The following PTPN4 variants were observed in gnomAD, a reference collection of about 807,000 sequenced individuals.
PTPN4 encodes the protein tyrosine-protein phosphatase non-receptor type 4.
Under a neutral mutation model 135.5 loss-of-function variants are expected in PTPN4, and 49 were observed. That is an observed-to-expected ratio of 0.36 (90% CI 0.29 to 0.46). The LOEUF (loss-of-function observed/expected upper bound fraction) is 0.46. PTPN4 is among the 20% of genes least tolerant of loss of function. The pLI is 1.00. For missense variants in PTPN4, 860 were observed against 1,101.0 expected (o/e 0.78, Z 3.10); for synonymous variants, 333 against 369.9 (o/e 0.90, Z 1.14).
chr2:119,907,119 C>T (rs1486418414), intron 10 of PTPN4, among the ~76,000 whole-genome samples: 2 of 152,064 alleles, frequency 1.3e-5, no homozygotes, highest in Non-Finnish European at 2.9e-5. Flanking sequence ...ACAACAAAAA[C>T]TACAAAACAC....
At chr2:119,779,212 A>G (rs1386421870) in intron 1 of PTPN4, among the ~76,000 whole-genome samples, 1 of 152,220 alleles carries the variant, frequency 6.6e-6, no homozygotes. Flanking sequence ...TTAGTCCATT[A>G]TCTTATACTA....
At chr2:119,879,271 T>A (rs765081158) in intron 5 of PTPN4, among the ~76,000 whole-genome samples, 1 of 152,190 alleles carries the variant, frequency 6.6e-6, no homozygotes, top group East Asian at 1.9e-4. Flanking sequence ...ATAGCCTGCA[T>A]TGAAAACATA....
At chr2:119,878,724 T>G (rs1678021687) in intron 5 of PTPN4, among the ~76,000 whole-genome samples, 1 of 142,172 alleles carries the variant, frequency 7.0e-6, no homozygotes, top group Admixed American at 7.2e-5. Context: ...ATGGGAGAAC[T>G]CAGTAATGTA....
chr2:119,937,346 A>G (rs1459715142), intron 15 of PTPN4, among the ~76,000 whole-genome samples: 2 of 152,196 alleles, frequency 1.3e-5, no homozygotes, highest in East Asian at 3.8e-4. Context: ...TTTTTCACAT[A>G]TACCTTTTTT....
At chr2:119,966,031 G>T (rs546174716) in intron 25 of PTPN4, among the ~76,000 whole-genome samples, 3 of 152,262 alleles carry the variant, frequency 2.0e-5, no homozygotes, top group African/African-American at 7.2e-5. Context: ...TATACTTCTG[G>T]ATGCTGGGAA....
chr2:119,920,719 G>A lies in PTPN4; in HGVS notation c.1001+478G>A, dbSNP rs1007245113. 7.9e-5 allele frequency among the ~76,000 whole-genome samples: 12 copies of A among 152,286 alleles called. No individual in the cohort carries two copies. In the South Asian group the frequency reaches 2.3e-3, roughly 29 times the overall value. On this transcript the variant is annotated intron_variant, in intron 12 of 26. Coordinates refer to ENST00000263708, the MANE Select transcript of PTPN4 (RefSeq NM_002830.4). ...CAAAATCAGATTTAGTCATTGAACA[G>A]TAACCCCAGGTTCCATTTCCTAAAA...
chr2:119,938,073 C>T (rs375196159), intron 15 of PTPN4, among the ~76,000 whole-genome samples: 1 of 150,116 alleles, frequency 6.7e-6, no homozygotes, highest in South Asian at 2.1e-4. Flanking sequence ...TTTCCTTTCT[C>T]TTAACAACCG....
At chr2:119,906,622 A>G (rs1043006855) in intron 10 of PTPN4, among the ~76,000 whole-genome samples, 3 of 151,262 alleles carry the variant, frequency 2.0e-5, no homozygotes, top group Non-Finnish European at 2.9e-5. Context: ...ACATCCCTTC[A>G]TGATAAAAAC....
At chr2:119,910,960 A>G (rs1187048454) in intron 10 of PTPN4, among the ~76,000 whole-genome samples, 2 of 152,176 alleles carry the variant, frequency 1.3e-5, no homozygotes, top group African/African-American at 4.8e-5. Flanking sequence ...TCCTTGAAAG[A>G]CACAAATTAA....
At chr2:119,866,792 A>G (rs1225356134) in intron 3 of PTPN4, among the ~76,000 whole-genome samples, 1 of 152,140 alleles carries the variant, frequency 6.6e-6, no homozygotes, top group Admixed American at 6.5e-5. Flanking sequence ...GTTTGAATAC[A>G]TGGTTGCTAA....
At chr2:119,957,337 T>C (rs1032514056) in intron 22 of PTPN4, among the ~76,000 whole-genome samples, 8 of 152,184 alleles carry the variant, frequency 5.3e-5, no homozygotes, top group Non-Finnish European at 1.0e-4. Flanking sequence ...TTTTAGATCA[T>C]TGGAGATAGA....
chr2:119,957,806 T>C (rs917453865), intron 22 of PTPN4, among the ~76,000 whole-genome samples: 2 of 152,164 alleles, frequency 1.3e-5, no homozygotes, highest in African/African-American at 4.8e-5. Flanking sequence ...GATCTTTATA[T>C]CATATCGTTC....
chr2:119,773,113 TATTA>T (rs1690763256), intron 1 of PTPN4, among the ~76,000 whole-genome samples: 1 of 152,228 alleles, frequency 6.6e-6, no homozygotes, highest in Non-Finnish European at 1.5e-5. Flanking sequence ...TTTTCATGTT[TATTA>T]ATTTCATTTC....
chr2:119,853,039 G>A (rs1426074150), intron 2 of PTPN4, among the ~76,000 whole-genome samples: 2 of 151,954 alleles, frequency 1.3e-5, no homozygotes, highest in Non-Finnish European at 1.5e-5. Flanking sequence ...TTATGACCCA[G>A]GATATAGCCT....
intron 23 of PTPN4, among the ~76,000 whole-genome samples, chr2:119,961,639 A>G (rs939506664): frequency 3.9e-5 from 6 of 152,348 alleles, no homozygotes; most frequent in African/African-American, 1.4e-4. Context: ...AATGGCCAAA[A>G]TGTAGAAACA....
intron 2 of PTPN4, among the ~76,000 whole-genome samples, chr2:119,842,647 GTTTT>G (rs1300686021): frequency 6.6e-6 from 1 of 151,994 alleles, no homozygotes; most frequent in Non-Finnish European, 1.5e-5. Context: ...GTTTTGTTTC[GTTTT>G]TTTCTTTTTC....
In PTPN4 at chr2:119,915,161, T is replaced by A. The variant is rs201204423; in HGVS notation, c.765-18T>A. 101 of 1,503,792 alleles carry A rather than the reference T, an allele frequency of 6.7e-5. No homozygotes were observed. Among genetic ancestry groups the A allele is most frequent in the Non-Finnish European group, 8.9e-5 (100 of 1,120,384 alleles). The allele number at this position is 1,503,792 out of a possible 1,614,324, so 93.2% of individuals were successfully genotyped here. A position where few individuals can be genotyped will look rare whatever the true frequency, so the allele number is the denominator to read the frequency against. ...ATCATTATTCAATACTTTGAATAAT[T>A]TATTGTCTTTTGTCCAGGTTGAAGA... On this transcript the variant is annotated intron_variant, in intron 10 of 26. Coordinates refer to ENST00000263708, the MANE Select transcript of PTPN4 (RefSeq NM_002830.4).
intron 2 of PTPN4, among the ~76,000 whole-genome samples, chr2:119,828,697 A>G (rs1347909717): frequency 6.6e-6 from 1 of 152,166 alleles, no homozygotes; most frequent in East Asian, 1.9e-4. Flanking sequence ...AAAATACCTT[A>G]TATTTTAAAA....
chr2:119,963,678 A>AT lies in PTPN4; in HGVS notation c.2409+938dup, dbSNP rs535725333. On this transcript the variant is annotated intron_variant, in intron 24 of 26. Transcript: ENST00000263708. ...ATTGAATAAAGCTAAAATGACAAGA[A>AT]TTTTAAAATTTCAAAATTTTATGGG... 2.6e-4 allele frequency among the ~76,000 whole-genome samples: 40 copies of AT among 152,358 alleles called. 2 individuals are homozygous for AT. The highest frequency in any genetic ancestry group is 1.9e-3 in the South Asian group (9 of 4,830).
Sources: allele counts gnomAD v4.1 joint callset (sites outside exome capture counted in the v4.1 genomes callset), GRCh38; gene constraint gnomAD v4.1.1; transcripts MANE v1.5; gene names NCBI Gene and HGNC (gene_info 2026-07-23, HGNC 2026-07-21).